Variants in GPC6 observed in about 807,000 individuals in gnomAD.
GPC6 encodes glypican 6.
A neutral mutation model predicts 55.2 loss-of-function variants in GPC6; 14 were observed. That is an observed-to-expected ratio of 0.25 (90% confidence interval 0.17 to 0.40). GPC6 has a LOEUF of 0.40. Among genes scored for constraint, GPC6 ranks in the 10% least tolerant of loss-of-function variants. The pLI, the probability that GPC6 is intolerant of heterozygous loss-of-function variation, is 1.00. For synonymous variants in GPC6, 278 were observed against 259.6 expected, an observed-to-expected ratio of 1.07 and a Z score of -0.68; for missense variants, 641 against 708.5, an observed-to-expected ratio of 0.90 and a Z score of 1.08.
chr13:93,428,617 CT>C (rs1427010311), intron 1 of GPC6, among the ~76,000 whole-genome samples: 1 of 152,130 alleles, frequency 6.6e-6, no homozygotes, highest in Admixed American at 6.6e-5. Flanking sequence ...ACGCAGAGTG[CT>C]GTACCTACTA....
intron 1 of GPC6, among the ~76,000 whole-genome samples, chr13:93,520,996 A>G (rs1055916688): frequency 2.0e-5 from 3 of 151,966 alleles, no homozygotes; most frequent in African/African-American, 7.2e-5. Flanking sequence ...TTTTACATTT[A>G]AAATATAAGA....
chr13:93,671,405 A>G (rs990510656), intron 2 of GPC6, among the ~76,000 whole-genome samples: 4 of 151,914 alleles, frequency 2.6e-5, no homozygotes, highest in African/African-American at 7.3e-5. Context: ...GTTCAACTTC[A>G]TATACCAATG....
chr13:93,799,531 T>C (rs531821250), intron 2 of GPC6, among the ~76,000 whole-genome samples: 8 of 152,324 alleles, frequency 5.3e-5, no homozygotes, highest in Admixed American at 2.0e-4. Context: ...AGGAATGTAA[T>C]TGAATTGGTC....
upstream of GPC6, among the ~76,000 whole-genome samples, chr13:93,222,709 A>AT (rs1436787799): frequency 6.6e-6 from 1 of 152,060 alleles, no homozygotes; most frequent in East Asian, 1.9e-4. Context: ...TTGCCTTTAA[A>AT]TTTTCTTATT....
chr13:93,937,998 A>G (rs903395544), intron 3 of GPC6, among the ~76,000 whole-genome samples: 1 of 152,238 alleles, frequency 6.6e-6, no homozygotes, highest in African/African-American at 2.4e-5. Context: ...TGCCTTACTT[A>G]AAAAAGAAAT....
At chr13:94,288,940 T>TATATATAACAA (rs1874778657) in intron 5 of GPC6, among the ~76,000 whole-genome samples, 2 of 117,974 alleles carry the variant, frequency 1.7e-5, no homozygotes, top group African/African-American at 7.5e-5. Flanking sequence ...TATAGATAGA[T>TATATATAACAA]AGATAGATAG....
At chr13:93,661,036 C>T (rs746207030) in intron 2 of GPC6, among the ~76,000 whole-genome samples, 1 of 152,150 alleles carries the variant, frequency 6.6e-6, no homozygotes, top group African/African-American at 2.4e-5. Context: ...AGCAAGGTAG[C>T]TGAAAAGATT....
chr13:93,852,746 C>G (rs1888449230), intron 3 of GPC6, among the ~76,000 whole-genome samples: 2 of 151,448 alleles, frequency 1.3e-5, no homozygotes, highest in African/African-American at 4.8e-5. Flanking sequence ...TTTTATTGTT[C>G]CCTGAGTGTT....
At chr13:93,951,199 ACT>A (rs141116969) in intron 3 of GPC6, among the ~76,000 whole-genome samples, 1,736 of 152,000 alleles carry the variant, frequency 0.011, 33 homozygotes, top group African/African-American at 0.04. Context: ...TTCCTGGAAA[ACT>A]CTTTTCATCT....
chr13:94,010,043 C>G (rs887684205), intron 3 of GPC6, among the ~76,000 whole-genome samples: 5 of 152,138 alleles, frequency 3.3e-5, no homozygotes, highest in African/African-American at 1.2e-4. Flanking sequence ...GCATTTGAAT[C>G]ATTTAAAATA....
intron 2 of GPC6, among the ~76,000 whole-genome samples, chr13:93,558,199 T>C (rs1280236575): frequency 6.6e-6 from 1 of 152,228 alleles, no homozygotes; most frequent in Non-Finnish European, 1.5e-5. Flanking sequence ...GAAACTACGA[T>C]ATACATAAAA....
At chr13:93,335,112 T>C (rs963647706) in intron 1 of GPC6, among the ~76,000 whole-genome samples, 1 of 152,210 alleles carries the variant, frequency 6.6e-6, no homozygotes, top group Non-Finnish European at 1.5e-5. Flanking sequence ...CCATTCCCCA[T>C]GTCAGTGGCA....
chr13:93,906,256 A>G (rs1162317066), intron 3 of GPC6, among the ~76,000 whole-genome samples: 1 of 152,144 alleles, frequency 6.6e-6, no homozygotes, highest in Admixed American at 6.6e-5. Context: ...AAAAATGGCC[A>G]TAGCTCTAGA....
At chr13:93,231,882 T>C (rs906630092) in intron 1 of GPC6, among the ~76,000 whole-genome samples, 16 of 152,170 alleles carry the variant, frequency 1.1e-4, no homozygotes, top group Non-Finnish European at 1.2e-4. Flanking sequence ...CAGCTGGATA[T>C]TAAAAAAGCA....
chr13:93,628,493 A>G (rs972312679), intron 2 of GPC6, among the ~76,000 whole-genome samples: 3 of 152,180 alleles, frequency 2.0e-5, no homozygotes, highest in Non-Finnish European at 2.9e-5. Flanking sequence ...GTAGCTGTGT[A>G]AGTATTTCTA....
rs886050366 is a variant in GPC6, at chr13:94,407,693, A to G, written c.*4476A>G. ...TTTAGTGACTTGAAAACTGATGTCA[A>G]TACTTTATAAATGAGGTCAGAAAAT... On this transcript the variant is annotated 3_prime_UTR_variant, in exon 9 of 9. Transcript: ENST00000377047. Among the ~76,000 whole-genome samples the G allele has an allele frequency of 1.3e-5, 2 of 152,196 alleles. No homozygotes were observed. Among genetic ancestry groups the G allele is most frequent in the African/African-American group, 4.8e-5 (2 of 41,450 alleles).
intron 1 of GPC6, among the ~76,000 whole-genome samples, chr13:93,254,717 A>G (rs1876896451): frequency 6.6e-6 from 1 of 152,124 alleles, no homozygotes. Context: ...TAAAAAAAAA[A>G]TAGAGAGAGT....
At chr13:93,580,952 T>C (rs988546001) in intron 2 of GPC6, among the ~76,000 whole-genome samples, 11 of 152,190 alleles carry the variant, frequency 7.2e-5, no homozygotes, top group Admixed American at 3.9e-4. Flanking sequence ...AAGTGTTTTT[T>C]TTAATTACTT....
At chr13:93,464,134 A>T (rs1326191022) in intron 1 of GPC6, among the ~76,000 whole-genome samples, 1 of 152,192 alleles carries the variant, frequency 6.6e-6, no homozygotes, top group Non-Finnish European at 1.5e-5. Flanking sequence ...AATGATAATG[A>T]TCGTCTGATC....
Sources: gnomAD v4.1 joint callset for allele counts (sites outside exome capture counted in the v4.1 genomes callset) on GRCh38, gnomAD v4.1.1 for gene constraint, MANE v1.5 for transcripts, NCBI Gene and HGNC (gene_info 2026-07-23, HGNC 2026-07-21) for gene names.